Variants in ABCB1 observed in about 807,000 individuals in gnomAD.
ABCB1 encodes the protein ATP-dependent translocase ABCB1.
In ABCB1, 69 loss-of-function variants were observed where a neutral mutation model predicts 142.0. The ratio of observed to expected loss-of-function variants is 0.49; its 90% confidence interval spans 0.40 to 0.59. The LOEUF (loss-of-function observed/expected upper bound fraction) is 0.59. Ranked by LOEUF, ABCB1 falls within the 20% of genes least tolerant of loss-of-function variation. ABCB1 has a pLI of 0.00. For synonymous variants in ABCB1, 532 were observed against 539.2 expected (o/e 0.99, Z 0.18); for missense variants, 1,326 against 1,554.7 (o/e 0.85, Z 2.47).
intron 21 of ABCB1, chr7:87,522,077 G>C: frequency 8.6e-7 from 1 of 1,169,250 alleles, no homozygotes; most frequent in Non-Finnish European, 1.3e-6. Flanking sequence ...GGTGGTGGTC[G>C]TGGAGGTAGT....
intron 1 of ABCB1, among the ~76,000 whole-genome samples, chr7:87,658,235 TG>T (rs1166068219): frequency 1.3e-5 from 2 of 152,102 alleles, no homozygotes; most frequent in Non-Finnish European, 2.9e-5. Context: ...AATTTGGTGC[TG>T]AAAAAATATG....
intron 3 of ABCB1, among the ~76,000 whole-genome samples, chr7:87,594,163 T>C (rs1376495712): frequency 6.6e-6 from 1 of 152,222 alleles, no homozygotes; most frequent in Non-Finnish European, 1.5e-5. Context: ...TCTATCTAAG[T>C]AGTAGAGTAC....
intron 1 of ABCB1, among the ~76,000 whole-genome samples, chr7:87,631,930 A>G (rs1234333014): frequency 3.3e-5 from 5 of 152,218 alleles, no homozygotes; most frequent in Non-Finnish European, 7.3e-5. Flanking sequence ...CAAGCAAAAA[A>G]TGTTTATATT....
intron 5 of ABCB1, among the ~76,000 whole-genome samples, chr7:87,567,521 G>A (rs1341816999): frequency 6.6e-6 from 1 of 152,154 alleles, no homozygotes; most frequent in Non-Finnish European, 1.5e-5. Context: ...TCAAGAAATG[G>A]AAATAATCCC....
At position 87,550,249 on chromosome 7, in the gene ABCB1, G is replaced by A. The variant is rs1257734713; in HGVS notation, c.1272C>T (p.Ala424=). 3.7e-6 allele frequency: 6 copies of A among 1,614,002 alleles called. No homozygotes were observed. The South Asian group carries it at 6.6e-5, about 18-fold the overall frequency. Reference sequence around the variant, plus strand: ...TCCCACAGCCACTGTTTCCAACCAGGGCCACCGTCTGCCCACTCTGCACCT... The same window carrying A: ...TCCCACAGCCACTGTTTCCAACCAGAGCCACCGTCTGCCCACTCTGCACCT... The part of the protein sequence containing the change: ...NLKVQSGQTV[A]LVGNSGCGKS... Residue 424 remains alanine (A), a synonymous_variant, in exon 12 of 28, where the codon GCC becomes GCT. Coordinates refer to ENST00000622132, the MANE Select transcript of ABCB1 (RefSeq NM_001348946.2).
At chr7:87,711,331 AAT>A (rs1041027773) in intron 1 of ABCB1, among the ~76,000 whole-genome samples, 4 of 151,504 alleles carry the variant, frequency 2.6e-5, no homozygotes, top group African/African-American at 7.3e-5. Flanking sequence ...TGTCTCAAAA[AAT>A]ATATATATAT....
rs180808823 is a variant in ABCB1, at chr7:87,607,700, C to T, written c.-330-6622G>A. Among the ~76,000 whole-genome samples the T allele has an allele frequency of 1.6e-4, 25 of 151,780 alleles. No homozygotes were observed. In the East Asian group the frequency reaches 4.3e-3, roughly 26 times the overall value. On this transcript the variant is annotated intron_variant, in intron 1 of 28. Transcript: ENST00000265724. ...TCAAGTAGCTGGGACCAAAGGTGTG[C>T]GCCACCTTGCCTGGCTAATTTTTTT...
At chr7:87,640,666 A>G (rs1822355959) in intron 1 of ABCB1, among the ~76,000 whole-genome samples, 1 of 152,064 alleles carries the variant, frequency 6.6e-6, no homozygotes, top group South Asian at 2.1e-4. Flanking sequence ...TTACACTCCA[A>G]TTACATTATG....
chr7:87,695,096 A>T (rs370296893), intron 1 of ABCB1, among the ~76,000 whole-genome samples: 15 of 152,106 alleles, frequency 9.9e-5, no homozygotes, highest in East Asian at 5.8e-4. Flanking sequence ...ATGTAAGTAC[A>T]ATTGAGTATC....
At position 87,550,301 on chromosome 7, in the gene ABCB1, C is replaced by T. The variant is rs1394086104; in HGVS notation, c.1225-5G>A. 1.2e-6 allele frequency: 2 copies of T among 1,614,016 alleles called. No homozygotes were observed. Among genetic ancestry groups the T allele is most frequent in the African/African-American group, 1.3e-5 (1 of 74,908 alleles). On this transcript the variant is annotated splice_polypyrimidine_tract_variant and splice_region_variant and intron_variant, in intron 11 of 27. Transcript: ENST00000622132. ...CAGGTTCAGACCCTTCAAGATCTAC[C>T]AGGACGAGTGAGAAAAAAACTTCAA...
At chr7:87,595,428 A>T (rs749684232) in intron 3 of ABCB1, among the ~76,000 whole-genome samples, 6 of 152,064 alleles carry the variant, frequency 3.9e-5, no homozygotes, top group Non-Finnish European at 8.8e-5. Flanking sequence ...GACCTAAAAA[A>T]CCTGCCAAAT....
At chr7:87,695,295 T>A (rs2130665888) in intron 1 of ABCB1, among the ~76,000 whole-genome samples, 1 of 152,256 alleles carries the variant, frequency 6.6e-6, no homozygotes, top group South Asian at 2.1e-4. Flanking sequence ...AGTACCTTTT[T>A]AAAGGAAAAG....
At chr7:87,607,168 G>A (rs1470878443) in intron 1 of ABCB1, among the ~76,000 whole-genome samples, 3 of 152,142 alleles carry the variant, frequency 2.0e-5, no homozygotes, top group Non-Finnish European at 4.4e-5. Flanking sequence ...GTCTATATAA[G>A]TTGGATACAT....
At chr7:87,556,156 TAA>T (rs1356603305) in intron 8 of ABCB1, among the ~76,000 whole-genome samples, 1 of 152,162 alleles carries the variant, frequency 6.6e-6, no homozygotes, top group East Asian at 1.9e-4. Context: ...TAGGAATGAC[TAA>T]AAGAGACTAA....
At chr7:87,586,247 A>C (rs1230966328) in intron 3 of ABCB1, among the ~76,000 whole-genome samples, 1 of 152,184 alleles carries the variant, frequency 6.6e-6, no homozygotes, top group Non-Finnish European at 1.5e-5. Flanking sequence ...TTTTTCTGAG[A>C]AGACAGAATA....
In ABCB1 at chr7:87,703,303, G is replaced by A. The variant is rs893916132; in HGVS notation, c.-331+9858C>T. 2.0e-5 allele frequency among the ~76,000 whole-genome samples: 3 copies of A among 151,388 alleles called. No homozygotes were observed. The East Asian group carries it at 5.8e-4, about 29-fold the overall frequency. ...TGTTCAGCAAAACTGATGAAGATAT[G>A]TTCAAATTAAATATTTTGTAAGCAC... On this transcript the variant is annotated intron_variant, in intron 1 of 28. Coordinates refer to the ABCB1 transcript ENST00000265724.
chr7:87,521,343 A>C (rs1815496603), intron 21 of ABCB1: 2 of 462,348 alleles, frequency 4.3e-6, no homozygotes, highest in Non-Finnish European at 7.7e-6. Context: ...CAGGCAATAA[A>C]AAGTAAATTT....
intron 3 of ABCB1, among the ~76,000 whole-genome samples, chr7:87,593,943 C>T (rs1200149674): frequency 6.6e-6 from 1 of 152,154 alleles, no homozygotes; most frequent in Non-Finnish European, 1.5e-5. Flanking sequence ...CTGGGTCCTC[C>T]TAGTCTGAAT....
At chr7:87,542,044 T>C (rs1051401380) in intron 17 of ABCB1, among the ~76,000 whole-genome samples, 2 of 152,152 alleles carry the variant, frequency 1.3e-5, no homozygotes, top group African/African-American at 4.8e-5. Flanking sequence ...TAATAGGATG[T>C]TTTGGACTCA....
Sources: gnomAD v4.1 joint callset for allele counts (sites outside exome capture counted in the v4.1 genomes callset) on GRCh38, gnomAD v4.1.1 for gene constraint, MANE v1.5 for transcripts, NCBI Gene and HGNC (gene_info 2026-07-23, HGNC 2026-07-21) for gene names.